COL24A1: variants seen among roughly 807,000 people sequenced by gnomAD.
The protein encoded by COL24A1 is collagen type XXIV alpha 1 chain.
In COL24A1, 224 loss-of-function variants were observed where a neutral mutation model predicts 253.9. That is an observed-to-expected ratio of 0.88 (90% CI 0.79 to 0.99). The LOEUF (loss-of-function observed/expected upper bound fraction) is 0.99, where lower values mean the gene tolerates loss of function less well. Among genes scored for constraint, COL24A1 ranks in the 50% least tolerant of loss-of-function variants. The pLI is 0.00. For synonymous variants in COL24A1, 685 were observed against 673.7 expected, an observed-to-expected ratio of 1.02 and a Z score of -0.26; for missense variants, 2,131 against 2,068.5, an observed-to-expected ratio of 1.03 and a Z score of -0.59.
At chr1:86,134,139 A>C (rs1649809731) in intron 2 of COL24A1, among the ~76,000 whole-genome samples, 1 of 151,794 alleles carries the variant, frequency 6.6e-6, no homozygotes. Flanking sequence ...ATATGGGTAG[A>C]GGTGTTTATA....
At chr1:85,858,677 T>TTCCTTCCTTCCC (rs1553201597) in intron 37 of COL24A1, among the ~76,000 whole-genome samples, 2 of 146,178 alleles carry the variant, frequency 1.4e-5, no homozygotes, top group Admixed American at 7.0e-5. Flanking sequence ...CCTTCCTTCC[T>TTCCTTCCTTCCC]TCCCTCCGTC....
intron 47 of COL24A1, among the ~76,000 whole-genome samples, chr1:85,809,446 T>C (rs972095245): frequency 9.9e-5 from 15 of 152,198 alleles, no homozygotes; most frequent in African/African-American, 3.6e-4. Context: ...CAAGGACAAC[T>C]TGGAGGTCAG....
chr1:86,018,245 T>C (rs1464866369), intron 18 of COL24A1, among the ~76,000 whole-genome samples: 2 of 152,214 alleles, frequency 1.3e-5, no homozygotes, highest in Non-Finnish European at 2.9e-5. Flanking sequence ...AAGCACAGTT[T>C]CCAATATGCA....
intron 55 of COL24A1, among the ~76,000 whole-genome samples, chr1:85,748,457 C>T (rs1453350383): frequency 2.0e-5 from 3 of 152,146 alleles, no homozygotes; most frequent in Non-Finnish European, 4.4e-5. Flanking sequence ...AATAGCCTTC[C>T]AGAATTCTCT....
At chr1:85,915,733 C>G (rs978491423) in intron 24 of COL24A1, among the ~76,000 whole-genome samples, 18 of 152,176 alleles carry the variant, frequency 1.2e-4, no homozygotes, top group Non-Finnish European at 2.2e-4. Context: ...ACTGCAACTT[C>G]AGCCTCCTGG....
chr1:86,092,435 A>G, intron 5 of COL24A1, 115 bp from the exon 6 acceptor site: 1 of 670,340 alleles, frequency 1.5e-6, no homozygotes, highest in Non-Finnish European at 2.5e-6. Flanking sequence ...TAAATAAAAT[A>G]ATTTTACATT....
chr1:85,970,327 G>A, intron 21 of COL24A1, 56 bp from the exon 22 acceptor site: 8 of 1,407,064 alleles, frequency 5.7e-6, no homozygotes, highest in Non-Finnish European at 7.8e-6. Flanking sequence ...ATTTAAAAAT[G>A]TAAACTCTTA....
At chr1:86,115,954 T>C (rs1238476947) in intron 3 of COL24A1, among the ~76,000 whole-genome samples, 1 of 152,102 alleles carries the variant, frequency 6.6e-6, no homozygotes, top group Non-Finnish European at 1.5e-5. Flanking sequence ...AAATAAAGTA[T>C]GAAAGCAAAA....
chr1:86,142,943 A>G (rs542357208), intron 2 of COL24A1, among the ~76,000 whole-genome samples: 5 of 152,308 alleles, frequency 3.3e-5, no homozygotes, highest in African/African-American at 1.2e-4. Context: ...ATAAAGGATC[A>G]AGAATTAATA....
chr1:85,894,953 C>T (rs1056206148), intron 31 of COL24A1, among the ~76,000 whole-genome samples: 1 of 152,060 alleles, frequency 6.6e-6, no homozygotes, highest in African/African-American at 2.4e-5. Context: ...TTATTCTATC[C>T]TTTTCTGTCT....
intron 19 of COL24A1, among the ~76,000 whole-genome samples, chr1:85,997,166 G>T (rs1694903372): frequency 6.6e-6 from 1 of 150,694 alleles, no homozygotes; most frequent in Non-Finnish European, 1.5e-5. Context: ...AGACATGTAA[G>T]CAATAATTGG....
chr1:85,926,832 A>G (rs1236806945), intron 24 of COL24A1, among the ~76,000 whole-genome samples: 2 of 151,926 alleles, frequency 1.3e-5, no homozygotes, highest in Admixed American at 1.3e-4. Context: ...TAATTATAAT[A>G]ATAATAAAAA....
In COL24A1 at chr1:86,112,579, T is replaced by A; in HGVS notation, c.1587A>T (p.Leu529Phe). The change falls in exon 5 of 60, where the codon TTA becomes TTT. Residue 529 changes from leucine to phenylalanine, a missense_variant. Transcript: ENST00000370571. ...GPHGNPGLPG[L>F]PGPKGPKGDP... ...AGTAGTCACTTACCTTTGGACCAGG[T>A]AATCCAGGTAAACCAGGATTTCCAT... 1 of 1,613,308 alleles carries A rather than the reference T, an allele frequency of 6.2e-7. No homozygotes were observed. The highest frequency in any genetic ancestry group is 8.5e-7 in the Non-Finnish European group (1 of 1,179,452).
At chr1:86,132,653 T>C (rs1649452422) in intron 2 of COL24A1, among the ~76,000 whole-genome samples, 1 of 152,200 alleles carries the variant, frequency 6.6e-6, no homozygotes, top group Non-Finnish European at 1.5e-5. Context: ...TTTTGTCAGA[T>C]TTGTTAAAGA....
chr1:85,744,574 T>G (rs1440299292), intron 57 of COL24A1, 92 bp downstream of exon 57: 2 of 1,103,732 alleles, frequency 1.8e-6, no homozygotes, highest in Non-Finnish European at 2.6e-6. Context: ...TCAAACTAAC[T>G]ATGATTTGGA....
chr1:85,898,813 G>T (rs1333306971), intron 28 of COL24A1, among the ~76,000 whole-genome samples: 1 of 152,092 alleles, frequency 6.6e-6, no homozygotes, highest in African/African-American at 2.4e-5. Flanking sequence ...GAAAAACAAA[G>T]AACTAGAGAG....
intron 24 of COL24A1, among the ~76,000 whole-genome samples, chr1:85,911,947 GC>G (rs1685415247): frequency 6.6e-6 from 1 of 152,042 alleles, no homozygotes; most frequent in Non-Finnish European, 1.5e-5. Context: ...TCTAGACCCT[GC>G]CCTCTTGAGG....
At chr1:86,146,296 A>G (rs1431065235) in intron 1 of COL24A1, 113 bp from the exon 2 acceptor site, 3 of 804,440 alleles carry the variant, frequency 3.7e-6, no homozygotes, top group Non-Finnish European at 5.9e-6. Context: ...TTTAAATAGC[A>G]TGATATTTTA....
At chr1:86,108,505 G>A (rs1191631796) in intron 5 of COL24A1, among the ~76,000 whole-genome samples, 1 of 151,240 alleles carries the variant, frequency 6.6e-6, no homozygotes. Flanking sequence ...CTCTCGGGCT[G>A]GTCGCGGTGG....
Sources: allele counts gnomAD v4.1 joint callset (sites outside exome capture counted in the v4.1 genomes callset), GRCh38; gene constraint gnomAD v4.1.1; transcripts MANE v1.5; gene names NCBI Gene and HGNC (gene_info 2026-07-23, HGNC 2026-07-21).